SCFD1: variants seen among roughly 807,000 people sequenced by gnomAD.
SCFD1 encodes sec1 family domain-containing protein 1.
In SCFD1, 37 loss-of-function variants were observed where a neutral mutation model predicts 103.2. The observed-to-expected ratio is 0.36, with a 90% CI of 0.28 to 0.47. The LOEUF is 0.47. Among genes scored for constraint, SCFD1 ranks in the 20% least tolerant of loss-of-function variants. The pLI is 1.00. For missense variants in SCFD1, 639 were observed against 761.2 expected, an observed-to-expected ratio of 0.84 and a Z score of 1.89; for synonymous variants, 264 against 245.0, an observed-to-expected ratio of 1.08 and a Z score of -0.73.
At chr14:30,645,057 C>G (rs925317588) in intron 7 of SCFD1, among the ~76,000 whole-genome samples, 1 of 152,094 alleles carries the variant, frequency 6.6e-6, no homozygotes, top group African/African-American at 2.4e-5. Flanking sequence ...TATAGCTAGC[C>G]AGTTATCCCA....
intron 10 of SCFD1, among the ~76,000 whole-genome samples, chr14:30,656,571 G>A (rs763057110): frequency 2.0e-5 from 3 of 152,060 alleles, no homozygotes; most frequent in Admixed American, 6.5e-5. Flanking sequence ...ATTATACCCC[G>A]GGTGGCAGAA....
At chr14:30,668,782 C>G (rs539871229) in intron 10 of SCFD1, among the ~76,000 whole-genome samples, 104 of 152,230 alleles carry the variant, frequency 6.8e-4, no homozygotes, top group African/African-American at 2.5e-3. Context: ...TTTATGCAGC[C>G]AAAAGACACA....
In SCFD1 at chr14:30,722,505, T is replaced by A. The variant is rs1221585901; in HGVS notation, c.1782T>A (p.Phe594Leu). ...NKNPFQEAIV[F>L]VVGGGNYIEY... ...TGTTTGCATTTTAGGCCATTGTTTT[T>A]GTGGTGGGAGGAGGCAACTACATTG... Residue 594 changes from phenylalanine (F) to leucine (L), a missense_variant, in exon 23 of 25, where the codon TTT (phenylalanine) becomes TTA (leucine). Phe to Leu is a conservative substitution (Grantham distance 22, BLOSUM62 0). Transcript: ENST00000458591. 1 of 1,603,144 alleles carries A rather than the reference T, an allele frequency of 6.2e-7. No individual in the cohort carries two copies. Among genetic ancestry groups the A allele is most frequent in the African/African-American group, 1.3e-5 (1 of 74,406 alleles).
At chr14:30,663,886 T>C (rs1463630226) in intron 10 of SCFD1, among the ~76,000 whole-genome samples, 1 of 152,204 alleles carries the variant, frequency 6.6e-6, no homozygotes, top group East Asian at 1.9e-4. Context: ...TACAGGTTAT[T>C]GTAAGGATCA....
chr14:30,671,196 T>A (rs1011217614), intron 11 of SCFD1, among the ~76,000 whole-genome samples: 1 of 152,138 alleles, frequency 6.6e-6, no homozygotes. Flanking sequence ...TTAATATGCT[T>A]TATCTTTTTT....
At chr14:30,662,739 A>T (rs1423808590) in intron 10 of SCFD1, among the ~76,000 whole-genome samples, 1 of 152,196 alleles carries the variant, frequency 6.6e-6, no homozygotes, top group Non-Finnish European at 1.5e-5. Context: ...ATAAATAGGT[A>T]TTGCCTATAT....
rs774626040 is a variant in SCFD1 at position 30,702,310 on chromosome 14, A to G, written c.1425A>G (p.Gln475=). Residue 475 remains glutamine, a synonymous_variant, in exon 17 of 25, where the codon CAA becomes CAG. Coordinates refer to ENST00000458591, the MANE Select transcript of SCFD1 (RefSeq NM_016106.4). The part of the protein sequence containing the change: ...QQAPSEADLE[Q]YKKALTDAGC... ...TCTTATTTCAGGCTGATTTGGAGCA[A>G]TATAAAAAAGCTTTAACTGATGCAG... 6.3e-7 allele frequency: 1 copy of G among 1,597,822 alleles called. No individual in the cohort carries two copies. The highest frequency in any genetic ancestry group is 8.5e-7 in the Non-Finnish European group (1 of 1,171,570).
intron 10 of SCFD1, among the ~76,000 whole-genome samples, chr14:30,667,561 T>G (rs2139187925): frequency 6.6e-6 from 1 of 152,112 alleles, no homozygotes; most frequent in East Asian, 1.9e-4. Flanking sequence ...GCCAGGGCAG[T>G]CAGGCAAGAG....
intron 1 of SCFD1, among the ~76,000 whole-genome samples, chr14:30,626,345 G>A (rs1353751585): frequency 1.3e-5 from 2 of 152,024 alleles, no homozygotes; most frequent in Non-Finnish European, 1.5e-5. Context: ...ACTTAAGCGT[G>A]CCCTGAGAAT....
intron 14 of SCFD1, among the ~76,000 whole-genome samples, chr14:30,694,351 A>T (rs1359420664): frequency 6.6e-6 from 1 of 152,222 alleles, no homozygotes; most frequent in African/African-American, 2.4e-5. Flanking sequence ...TTAAATATAT[A>T]TTCAAAAGTA....
intron 2 of SCFD1, among the ~76,000 whole-genome samples, chr14:30,629,298 T>C (rs1057045630): frequency 3.9e-5 from 6 of 152,210 alleles, no homozygotes; most frequent in Admixed American, 6.5e-5. Flanking sequence ...TTAGCCTCTT[T>C]AAAGGAAATC....
chr14:30,716,904 A>G (rs1566657899), intron 20 of SCFD1, among the ~76,000 whole-genome samples: 1 of 152,230 alleles, frequency 6.6e-6, no homozygotes. Context: ...ATGATAAACT[A>G]AAAAGGATTG....
chr14:30,665,935 A>T (rs1014585526), intron 10 of SCFD1, among the ~76,000 whole-genome samples: 6 of 152,312 alleles, frequency 3.9e-5, no homozygotes, highest in Middle Eastern at 3.4e-3. Context: ...GAGACCTACA[A>T]AGAGACTTAG....
chr14:30,629,334 A>T (rs945952556), intron 2 of SCFD1, among the ~76,000 whole-genome samples: 4 of 152,238 alleles, frequency 2.6e-5, no homozygotes, highest in African/African-American at 9.6e-5. Context: ...ATGTGTTTTC[A>T]TAACAACATG....
intron 20 of SCFD1, 46 bp from the exon 21 acceptor site, chr14:30,719,279 G>A (rs745620059): frequency 1.6e-6 from 2 of 1,253,090 alleles, no homozygotes; most frequent in Non-Finnish European, 2.3e-6. Flanking sequence ...CTGACCTTCT[G>A]AAGAGAAATT....
intron 10 of SCFD1, among the ~76,000 whole-genome samples, chr14:30,668,172 A>C (rs1888193220): frequency 6.6e-6 from 1 of 152,174 alleles, no homozygotes; most frequent in African/African-American, 2.4e-5. Context: ...CAGTAACGAA[A>C]ACAGCATGGT....
intron 22 of SCFD1, 25 bp downstream of exon 22, chr14:30,721,942 GT>G: frequency 6.4e-7 from 1 of 1,567,908 alleles, no homozygotes; most frequent in Non-Finnish European, 8.8e-7. Context: ...AAAATTCTCT[GT>G]TCCTAGAAAG....
At chr14:30,724,244 G>GTTT (rs1268662400) in intron 23 of SCFD1, among the ~76,000 whole-genome samples, 2 of 127,256 alleles carry the variant, frequency 1.6e-5, no homozygotes, top group African/African-American at 6.9e-5. Flanking sequence ...CTTTTTTATG[G>GTTT]GTTTTTTTTT....
intron 10 of SCFD1, among the ~76,000 whole-genome samples, chr14:30,656,373 T>C (rs913182017): frequency 1.3e-5 from 2 of 152,180 alleles, no homozygotes; most frequent in Non-Finnish European, 2.9e-5. Context: ...GTGGCATTAG[T>C]GAGCACTGTG....
Sources: allele counts gnomAD v4.1 joint callset (sites outside exome capture counted in the v4.1 genomes callset), GRCh38; gene constraint gnomAD v4.1.1; transcripts MANE v1.5; gene names NCBI Gene and HGNC (gene_info 2026-07-23, HGNC 2026-07-21).